Variants in PPTC7 observed in about 807,000 individuals in gnomAD.
The protein encoded by PPTC7 is protein phosphatase targeting COQ7, also known as protein phosphatase PTC7 homolog.
PPTC7 carries 6 observed loss-of-function variants against 30.8 expected under a neutral mutation model. The ratio of observed to expected loss-of-function variants is 0.19; its 90% CI spans 0.11 to 0.38. The LOEUF is 0.38. PPTC7 is among the 10% of genes least tolerant of loss of function. The pLI, the probability that PPTC7 is intolerant of heterozygous loss-of-function variation, is 1.00. For synonymous variants in PPTC7, 163 were observed against 168.1 expected (o/e 0.97, Z 0.23); for missense variants, 218 against 404.8 (o/e 0.54, Z 3.96).
intron 1 of PPTC7, among the ~76,000 whole-genome samples, chr12:110,554,957 T>G (rs1313070107): frequency 6.6e-6 from 1 of 152,240 alleles, no homozygotes; most frequent in Non-Finnish European, 1.5e-5. Flanking sequence ...ATGTATCATA[T>G]GATTTTTTAA....
chr12:110,559,026 T>C (rs1399090157), intron 1 of PPTC7, among the ~76,000 whole-genome samples: 1 of 152,046 alleles, frequency 6.6e-6, no homozygotes, highest in East Asian at 1.9e-4. Flanking sequence ...CTGATGCTTT[T>C]TCCCTTTTTC....
In PPTC7 at chr12:110,542,264, G is replaced by A. The variant is rs546825325; in HGVS notation, c.603-2319C>T. Among the ~76,000 whole-genome samples the A allele has an allele frequency of 4.6e-5, 7 of 152,144 alleles. No individual in the cohort carries two copies. In the East Asian group the frequency reaches 1.3e-3, roughly 29 times the overall value. ...TCAATATACTGTTGAAGAAAGCAAG[G>A]TGAAGACGGTGTGTCGTATGTGCAA... On this transcript the variant is annotated intron_variant, in intron 3 of 5. Coordinates refer to ENST00000354300, the MANE Select transcript of PPTC7 (RefSeq NM_139283.2).
intron 1 of PPTC7, among the ~76,000 whole-genome samples, chr12:110,572,829 T>C (rs1019276289): frequency 6.6e-6 from 1 of 152,200 alleles, no homozygotes; most frequent in Non-Finnish European, 1.5e-5. Flanking sequence ...GAAAGTAATA[T>C]ATAACCTTTC....
chr12:110,562,752 C>T (rs944259273), intron 1 of PPTC7, among the ~76,000 whole-genome samples: 13 of 151,614 alleles, frequency 8.6e-5, no homozygotes, highest in Non-Finnish European at 1.5e-4. Context: ...GTGATTGAGC[C>T]ACTGCACTCC....
At chr12:110,559,183 AC>A (rs1256470138) in intron 1 of PPTC7, among the ~76,000 whole-genome samples, 1 of 151,822 alleles carries the variant, frequency 6.6e-6, no homozygotes, top group African/African-American at 2.4e-5. Flanking sequence ...ACCAACACAC[AC>A]AACTCATTTT....
intron 1 of PPTC7, among the ~76,000 whole-genome samples, chr12:110,568,276 G>A (rs1319810231): frequency 1.4e-5 from 2 of 144,998 alleles, no homozygotes; most frequent in East Asian, 2.0e-4. Flanking sequence ...TTTTTGAGAC[G>A]GAGTCTTGCT....
intron 1 of PPTC7, 41 bp downstream of exon 1, chr12:110,582,768 G>A: frequency 2.0e-6 from 3 of 1,481,356 alleles, no homozygotes; most frequent in Non-Finnish European, 2.7e-6. Context: ...CCCGGGAGGC[G>A]GATCCGAGGC....
intron 3 of PPTC7, among the ~76,000 whole-genome samples, chr12:110,542,673 CA>C (rs765332697): frequency 0.016 from 418 of 26,776 alleles, 2 homozygotes; most frequent in African/African-American, 0.061. Context: ...GACTCTGTCT[CA>C]AAAAAAAAAA....
At chr12:110,558,559 T>C (rs747678638) in intron 1 of PPTC7, among the ~76,000 whole-genome samples, 1 of 152,276 alleles carries the variant, frequency 6.6e-6, no homozygotes, top group Non-Finnish European at 1.5e-5. Flanking sequence ...AATGGTTACA[T>C]ATCAGAAATA....
chr12:110,578,957 G>A (rs1484844614), intron 1 of PPTC7, among the ~76,000 whole-genome samples: 2 of 152,062 alleles, frequency 1.3e-5, no homozygotes, highest in Non-Finnish European at 2.9e-5. Flanking sequence ...ACCAGCCTAG[G>A]CAACGTGGCG....
At chr12:110,564,254 G>C (rs1009437772) in intron 1 of PPTC7, among the ~76,000 whole-genome samples, 3 of 152,230 alleles carry the variant, frequency 2.0e-5, no homozygotes, top group African/African-American at 7.2e-5. Flanking sequence ...TGTAAGTTAT[G>C]AATAGCAGAG....
intron 1 of PPTC7, among the ~76,000 whole-genome samples, chr12:110,559,516 A>G (rs997749455): frequency 2.0e-5 from 3 of 151,784 alleles, no homozygotes; most frequent in Non-Finnish European, 4.4e-5. Context: ...ACTTGAGGTC[A>G]GGATTTCAAG....
chr12:110,574,833 C>T (rs1593167091), intron 1 of PPTC7, among the ~76,000 whole-genome samples: 1 of 151,994 alleles, frequency 6.6e-6, no homozygotes, highest in East Asian at 1.9e-4. Context: ...GGCTGGAGTG[C>T]AGTGGCACGA....
intron 4 of PPTC7, among the ~76,000 whole-genome samples, 197 bp downstream of exon 4, chr12:110,539,625 G>C (rs181206623): frequency 1.3e-5 from 2 of 152,296 alleles, no homozygotes; most frequent in African/African-American, 4.8e-5. Context: ...ACTTCTACCA[G>C]CCTATGAAAA....
intron 1 of PPTC7, among the ~76,000 whole-genome samples, chr12:110,575,067 G>C (rs891878453): frequency 2.0e-5 from 3 of 151,156 alleles, no homozygotes; most frequent in African/African-American, 7.3e-5. Flanking sequence ...TGGGATTATA[G>C]GTTGTGACCC....
intron 1 of PPTC7, among the ~76,000 whole-genome samples, chr12:110,578,472 TC>T: frequency 6.6e-6 from 1 of 152,298 alleles, no homozygotes; most frequent in South Asian, 2.1e-4. Context: ...CCCAACATAG[TC>T]AGTTTTTCCG....
In PPTC7 at chr12:110,534,114, A is replaced by AT. The variant is rs1282298453; in HGVS notation, c.*2922dup. On this transcript the variant is annotated 3_prime_UTR_variant, in exon 6 of 6. Transcript: ENST00000354300. ...AGCCTATGGACTCTACTGCATCTCC[A>AT]TTTGGTAAATTTTTTTTTTTTTTGT... The AT allele has an allele frequency of 6.8e-6, 1 of 147,190 alleles. No individual in the cohort carries two copies. The highest frequency in any genetic ancestry group is 1.5e-5 in the Non-Finnish European group (1 of 67,130). 9.1% of individuals were successfully genotyped at this position (147,190 alleles called of 1,614,324 possible). A position where few individuals can be genotyped will look rare whatever the true frequency, so the allele number is the denominator to read the frequency against.
At chr12:110,575,605 C>CT (rs1447981899) in intron 1 of PPTC7, among the ~76,000 whole-genome samples, 3 of 76,986 alleles carry the variant, frequency 3.9e-5, no homozygotes, top group Admixed American at 3.4e-4. Context: ...GCAACCCCAC[C>CT]TCAAAAAAAA....
At chr12:110,538,044 G>A in intron 5 of PPTC7, 100 bp downstream of exon 5, 1 of 1,306,250 alleles carries the variant, frequency 7.7e-7, no homozygotes, top group South Asian at 1.4e-5. Context: ...TGGGGGCTGG[G>A]AGAGGACACC....
Sources: gnomAD v4.1 joint callset for allele counts (sites outside exome capture counted in the v4.1 genomes callset) on GRCh38, gnomAD v4.1.1 for gene constraint, MANE v1.5 for transcripts, NCBI Gene and HGNC (gene_info 2026-07-23, HGNC 2026-07-21) for gene names.